XPO7: variants seen among roughly 807,000 people sequenced by gnomAD.
XPO7 encodes exportin 7.
In XPO7, 21 loss-of-function variants were observed where a neutral mutation model predicts 144.3. The ratio of observed to expected loss-of-function variants is 0.15; its 90% CI spans 0.10 to 0.21. XPO7 has a LOEUF of 0.21. XPO7 is among the 10% of genes least tolerant of loss of function. The probability of loss-of-function intolerance (pLI) is 1.00; values close to 1 mark genes in which losing one functional copy is unlikely to be tolerated. For missense variants in XPO7, 808 were observed against 1,325.8 expected (o/e 0.61, Z 6.06); for synonymous variants, 580 against 499.6 (o/e 1.16, Z -2.15).
At chr8:21,939,548 G>A (rs1585423614) in intron 1 of XPO7, among the ~76,000 whole-genome samples, 1 of 152,196 alleles carries the variant, frequency 6.6e-6, no homozygotes, top group East Asian at 1.9e-4. Context: ...GTTGCTTTAG[G>A]GCAGTTACTT....
chr8:21,995,109 G>A (rs1413526494), intron 20 of XPO7, among the ~76,000 whole-genome samples: 5 of 151,828 alleles, frequency 3.3e-5, no homozygotes, highest in Non-Finnish European at 7.4e-5. Flanking sequence ...AAATTAGGAA[G>A]TCTAACTTTA....
At chr8:21,996,468 T>C (rs949392948) in intron 21 of XPO7, among the ~76,000 whole-genome samples, 6 of 152,200 alleles carry the variant, frequency 3.9e-5, no homozygotes, top group Non-Finnish European at 5.9e-5. Context: ...AGAAGTAAAT[T>C]TGGCAACCAA....
At chr8:21,928,643 A>C (rs1156361705) in intron 1 of XPO7, among the ~76,000 whole-genome samples, 2 of 152,176 alleles carry the variant, frequency 1.3e-5, no homozygotes, top group African/African-American at 2.4e-5. Context: ...GTATCTCTTC[A>C]TGTGCTTACT....
chr8:21,978,663 G>A (rs1812304103), intron 8 of XPO7, among the ~76,000 whole-genome samples: 1 of 152,216 alleles, frequency 6.6e-6, no homozygotes, highest in African/African-American at 2.4e-5. Flanking sequence ...GCACGGGGTG[G>A]TGGTGCATGC....
At chr8:21,943,789 G>C (rs1489984824) in intron 1 of XPO7, among the ~76,000 whole-genome samples, 3 of 152,182 alleles carry the variant, frequency 2.0e-5, no homozygotes, top group Non-Finnish European at 4.4e-5. Context: ...ATCATGGGAA[G>C]ATAAGTTATA....
intron 11 of XPO7, among the ~76,000 whole-genome samples, chr8:21,983,328 G>A (rs1318321590): frequency 2.6e-5 from 4 of 152,136 alleles, no homozygotes; most frequent in East Asian, 1.9e-4. Context: ...CCAAAATCCC[G>A]TAGCTAAAGA....
chr8:21,980,043 G>A, intron 8 of XPO7, 41 bp from the exon 9 acceptor site: 1 of 1,524,628 alleles, frequency 6.6e-7, no homozygotes, highest in Non-Finnish European at 8.8e-7. Context: ...TAACTGTACA[G>A]TCTTTTTAAT....
intron 1 of XPO7, among the ~76,000 whole-genome samples, chr8:21,937,351 T>G (rs1810854414): frequency 6.6e-6 from 1 of 152,214 alleles, no homozygotes; most frequent in Non-Finnish European, 1.5e-5. Context: ...CTGAAGCACT[T>G]TTAATGTCTT....
At chr8:21,987,930 T>C (rs1237053545) in intron 15 of XPO7, 73 bp downstream of exon 15, 1 of 1,478,932 alleles carries the variant, frequency 6.8e-7, no homozygotes, top group Non-Finnish European at 9.3e-7. Context: ...GATCTTGGCA[T>C]TGTGCTGCCA....
At chr8:21,961,867 C>T (rs1228643819) in intron 1 of XPO7, among the ~76,000 whole-genome samples, 9 of 152,124 alleles carry the variant, frequency 5.9e-5, no homozygotes, top group South Asian at 2.1e-4. Flanking sequence ...TTCATCACGT[C>T]GGCCATGCCG....
At chr8:21,979,206 C>T (rs1188758380) in intron 8 of XPO7, among the ~76,000 whole-genome samples, 5 of 151,800 alleles carry the variant, frequency 3.3e-5, no homozygotes, top group African/African-American at 4.8e-5. Context: ...CCACCACGCC[C>T]GGCTAATTTT....
chr8:21,966,981 A>G lies in XPO7; in HGVS notation c.143A>G (p.Gln48Arg). 8.1e-6 allele frequency: 13 copies of G among 1,613,688 alleles called. No homozygotes were observed. Among genetic ancestry groups the G allele is most frequent in the Non-Finnish European group, 1.1e-5 (13 of 1,179,728 alleles). The change falls in exon 2 of 28, where the codon CAG becomes CGG. Residue 48 changes from glutamine (Q) to arginine (R), a missense_variant. Transcript: ENST00000252512. ...TNSPDCLSKCQLLLERGSSSY... is the reference protein window; with the variant it reads ...TNSPDCLSKCRLLLERGSSSY... ...AGCCCTGATTGCCTGAGCAAGTGCCAGCTACTCCTCGAAAGAGGAAGTGTG... is the reference window on the plus strand; with the variant it reads ...AGCCCTGATTGCCTGAGCAAGTGCCGGCTACTCCTCGAAAGAGGAAGTGTG...
chr8:21,955,846 G>A (rs1415806642), intron 1 of XPO7, among the ~76,000 whole-genome samples: 1 of 147,272 alleles, frequency 6.8e-6, no homozygotes, highest in Admixed American at 6.9e-5. Flanking sequence ...CTCCTGCCTC[G>A]GCCTCCCAAG....
chr8:21,939,587 C>T (rs1424609673), intron 1 of XPO7, among the ~76,000 whole-genome samples: 1 of 152,114 alleles, frequency 6.6e-6, no homozygotes, highest in African/African-American at 2.4e-5. Context: ...CTTTTTTATG[C>T]CAACGTTAAT....
At chr8:21,920,830 G>A (rs1810256753) in intron 1 of XPO7, among the ~76,000 whole-genome samples, 1 of 152,180 alleles carries the variant, frequency 6.6e-6, no homozygotes, top group African/African-American at 2.4e-5. Context: ...AAGATTAGAG[G>A]GCAAGAAGTG....
chr8:21,986,098 G>GT (rs1290800965), intron 13 of XPO7, among the ~76,000 whole-genome samples: 3 of 145,596 alleles, frequency 2.1e-5, no homozygotes, highest in African/African-American at 7.6e-5. Flanking sequence ...TACATTTCAA[G>GT]TTATTTTTCA....
chr8:21,934,072 A>G (rs953062873), intron 1 of XPO7, among the ~76,000 whole-genome samples: 3 of 152,234 alleles, frequency 2.0e-5, no homozygotes, highest in African/African-American at 7.2e-5. Context: ...ATACTGTGCT[A>G]CATAGTAGAG....
chr8:21,980,774 CAAA>C (rs892152378), intron 9 of XPO7, among the ~76,000 whole-genome samples: 2 of 85,476 alleles, frequency 2.3e-5, no homozygotes, highest in Non-Finnish European at 2.5e-5. Flanking sequence ...GACTCCGTCT[CAAA>C]AAAAAAAAAA....
chr8:21,938,946 G>C (rs968688621), intron 1 of XPO7, among the ~76,000 whole-genome samples: 3 of 152,026 alleles, frequency 2.0e-5, no homozygotes, highest in African/African-American at 7.2e-5. Context: ...TAGAATAATT[G>C]CCCTTCTGTC....
Sources: allele counts gnomAD v4.1 joint callset (sites outside exome capture counted in the v4.1 genomes callset), GRCh38; gene constraint gnomAD v4.1.1; transcripts MANE v1.5; gene names NCBI Gene and HGNC (gene_info 2026-07-23, HGNC 2026-07-21).